Variants in ACSS3 observed in about 807,000 individuals in gnomAD.
ACSS3 encodes the protein acyl-CoA synthetase short-chain family member 3, mitochondrial.
In ACSS3, 64 loss-of-function variants were observed where a neutral mutation model predicts 84.2. The ratio of observed to expected loss-of-function variants is 0.76; its 90% CI spans 0.62 to 0.94. The LOEUF (loss-of-function observed/expected upper bound fraction) is 0.94. Among genes scored for constraint, ACSS3 ranks in the 40% least tolerant of loss-of-function variants. The probability of loss-of-function intolerance (pLI) is 0.00; values close to 1 mark genes in which losing one functional copy is unlikely to be tolerated. For missense variants in ACSS3, 815 were observed against 867.6 expected (o/e 0.94, Z 0.76); for synonymous variants, 317 against 310.1 (o/e 1.02, Z -0.23).
chr12:81,223,792 C>T (rs2033186502), intron 11 of ACSS3, among the ~76,000 whole-genome samples: 3 of 152,066 alleles, frequency 2.0e-5, no homozygotes, highest in South Asian at 4.1e-4. Context: ...ACCCAGATCT[C>T]TCTAGGGAAC....
intron 8 of ACSS3, among the ~76,000 whole-genome samples, chr12:81,179,294 AAG>A (rs2030738283): frequency 6.7e-6 from 1 of 148,960 alleles, no homozygotes. Flanking sequence ...AAAAAAGAAA[AAG>A]AAAAAAAAAA....
intron 1 of ACSS3, among the ~76,000 whole-genome samples, chr12:81,078,932 A>G (rs1310255526): frequency 6.6e-6 from 1 of 152,228 alleles, no homozygotes; most frequent in East Asian, 1.9e-4. Flanking sequence ...TCAAAGTTCT[A>G]GAGGTGAACA....
chr12:81,161,919 G>C (rs1271086728), intron 7 of ACSS3, among the ~76,000 whole-genome samples: 1 of 152,188 alleles, frequency 6.6e-6, no homozygotes, highest in Non-Finnish European at 1.5e-5. Context: ...GGGAAACATG[G>C]TGGCACATGG....
At chr12:81,220,845 A>G (rs540488146) in intron 11 of ACSS3, among the ~76,000 whole-genome samples, 2 of 152,136 alleles carry the variant, frequency 1.3e-5, no homozygotes, top group South Asian at 4.1e-4. Flanking sequence ...CATCCCCAGT[A>G]TAGGCTTCTT....
chr12:81,157,931 T>TACACAC (rs35855433), intron 7 of ACSS3, among the ~76,000 whole-genome samples: 7,776 of 144,132 alleles, frequency 0.054, 272 homozygotes, highest in Admixed American at 0.096. Flanking sequence ...GATTACAGAA[T>TACACAC]ACACACACAC....
intron 1 of ACSS3, among the ~76,000 whole-genome samples, chr12:81,087,039 A>G (rs1881364923): frequency 6.6e-6 from 1 of 152,090 alleles, no homozygotes; most frequent in Admixed American, 6.6e-5. Context: ...GATAGGTATT[A>G]TTTTTATAAT....
intron 7 of ACSS3, among the ~76,000 whole-genome samples, chr12:81,155,571 A>G (rs1565695030): frequency 6.6e-6 from 1 of 152,242 alleles, no homozygotes; most frequent in Non-Finnish European, 1.5e-5. Context: ...CAAACTGAGA[A>G]TCTGCAAGTG....
At chr12:81,216,434 G>T (rs1032172877) in intron 9 of ACSS3, among the ~76,000 whole-genome samples, 26 of 152,154 alleles carry the variant, frequency 1.7e-4, no homozygotes, top group South Asian at 6.2e-4. Context: ...AAAAATCTTT[G>T]GGTTACTTAT....
At position 81,089,135 on chromosome 12, in the gene ACSS3, A is replaced by G. The variant is rs148774587; in HGVS notation, c.311+10704A>G. On this transcript the variant is annotated intron_variant, in intron 1 of 15. Transcript: ENST00000548058. ...AGTATGCTTTAATGTTATTTTTATAAGAACATGATAAATAGCCTAATTAAT... is the reference window on the plus strand; with the variant it reads ...AGTATGCTTTAATGTTATTTTTATAGGAACATGATAAATAGCCTAATTAAT... Among the ~76,000 whole-genome samples, 954 of 152,082 alleles carry G rather than the reference A, an allele frequency of 6.3e-3. 7 individuals carry two copies. Among genetic ancestry groups the G allele is most frequent in the African/African-American group, 0.018 (730 of 41,544 alleles).
chr12:81,214,435 A>G (rs996496275), intron 9 of ACSS3, among the ~76,000 whole-genome samples: 1 of 152,250 alleles, frequency 6.6e-6, no homozygotes, highest in African/African-American at 2.4e-5. Flanking sequence ...ACTTTAGGCA[A>G]CCTGAATGAA....
chr12:81,086,772 C>A lies in ACSS3; in HGVS notation c.311+8341C>A, dbSNP rs115279829. On this transcript the variant is annotated intron_variant, in intron 1 of 15. Coordinates refer to ENST00000548058, the MANE Select transcript of ACSS3 (RefSeq NM_024560.4). ...TACTTTCATAAGCAACAAGCTGCAA[C>A]TCCATGAGGGAGATCATTGCTTTCC... Among the ~76,000 whole-genome samples, 659 of 152,224 alleles carry A rather than the reference C, an allele frequency of 4.3e-3. 7 individuals carry two copies. The highest frequency in any genetic ancestry group is 0.015 in the African/African-American group (641 of 41,530).
chr12:81,155,777 G>A (rs773352293), intron 7 of ACSS3, among the ~76,000 whole-genome samples: 1 of 152,132 alleles, frequency 6.6e-6, no homozygotes, highest in Non-Finnish European at 1.5e-5. Context: ...CTGATATGAT[G>A]TGTGCCTATA....
chr12:81,173,472 A>G (rs1328163328), intron 7 of ACSS3, among the ~76,000 whole-genome samples: 1 of 152,190 alleles, frequency 6.6e-6, no homozygotes, highest in African/African-American at 2.4e-5. Flanking sequence ...GAAAAGAGGA[A>G]CATAATTACA....
chr12:81,243,229 A>G lies in ACSS3; in HGVS notation c.1719+9758A>G, dbSNP rs533980549. Among the ~76,000 whole-genome samples the G allele has an allele frequency of 2.6e-3, 403 of 152,308 alleles. 2 individuals carry two copies. Among genetic ancestry groups the G allele is most frequent in the African/African-American group, 9.3e-3 (385 of 41,566 alleles). ...ATACACCAATAACAGACAAACAGAG[A>G]GCCAAATCATGAGTGAACTCCCATT... is the stretch of plus-strand genomic sequence containing the variant. On this transcript the variant is annotated intron_variant, in intron 13 of 15. Coordinates refer to ENST00000548058, the MANE Select transcript of ACSS3 (RefSeq NM_024560.4).
intron 8 of ACSS3, among the ~76,000 whole-genome samples, chr12:81,198,899 T>G (rs1008890262): frequency 6.6e-5 from 10 of 152,182 alleles, no homozygotes; most frequent in African/African-American, 2.4e-4. Flanking sequence ...AGGAACAAAT[T>G]CATATTTATA....
intron 9 of ACSS3, chr12:81,199,755 G>T: frequency 8.7e-7 from 1 of 1,144,120 alleles, no homozygotes; most frequent in Non-Finnish European, 1.2e-6. Flanking sequence ...TGTCTGTTGG[G>T]TTCATTCCAC....
rs2034322641 is a variant in ACSS3 at position 81,256,975 on chromosome 12, A to C, written c.*2053A>C. ...CATTAATAACTCATTTTAATGTCTTAGGAGTAGAATGTGTTTCCTTATTTT... is the reference window on the plus strand; with the variant it reads ...CATTAATAACTCATTTTAATGTCTTCGGAGTAGAATGTGTTTCCTTATTTT... On this transcript the variant is annotated 3_prime_UTR_variant, in exon 16 of 16. Coordinates refer to ENST00000548058, the MANE Select transcript of ACSS3 (RefSeq NM_024560.4). 1 of 152,106 alleles carries C rather than the reference A, an allele frequency of 6.6e-6. No homozygotes were observed. Among genetic ancestry groups the C allele is most frequent in the Admixed American group, 6.6e-5 (1 of 15,260 alleles). 9.4% of individuals were successfully genotyped at this position (152,106 alleles called of 1,614,324 possible).
chr12:81,250,427 CTG>C (rs948968607), intron 13 of ACSS3, among the ~76,000 whole-genome samples: 1 of 151,920 alleles, frequency 6.6e-6, no homozygotes, highest in African/African-American at 2.4e-5. Flanking sequence ...AAATGGGAAA[CTG>C]TAATATTATA....
intron 9 of ACSS3, among the ~76,000 whole-genome samples, chr12:81,216,240 A>G (rs1013301638): frequency 6.6e-6 from 1 of 151,504 alleles, no homozygotes; most frequent in Admixed American, 6.6e-5. Flanking sequence ...GCACAACATG[A>G]ATTAAACAAT....
Sources: gnomAD v4.1 joint callset for allele counts (sites outside exome capture counted in the v4.1 genomes callset) on GRCh38, gnomAD v4.1.1 for gene constraint, MANE v1.5 for transcripts, NCBI Gene and HGNC (gene_info 2026-07-23, HGNC 2026-07-21) for gene names.